MSI2: variants seen among roughly 807,000 people sequenced by gnomAD.
MSI2 encodes RNA-binding protein Musashi homolog 2.
Under a neutral mutation model 45.6 loss-of-function variants are expected in MSI2, and 17 were observed. That is an observed-to-expected ratio of 0.37 (90% CI 0.26 to 0.56). The LOEUF (loss-of-function observed/expected upper bound fraction) is 0.56. MSI2 is among the 20% of genes least tolerant of loss of function. MSI2 has a pLI of 0.77. For synonymous variants in MSI2, 156 were observed against 158.2 expected (o/e 0.99, Z 0.11); for missense variants, 293 against 444.2 (o/e 0.66, Z 3.06).
chr17:57,284,328 C>T (rs1909677503), intron 5 of MSI2, among the ~76,000 whole-genome samples: 1 of 152,066 alleles, frequency 6.6e-6, no homozygotes, highest in African/African-American at 2.4e-5. Flanking sequence ...CTGCCATCCA[C>T]CCCGCACCCG....
intron 5 of MSI2, among the ~76,000 whole-genome samples, chr17:57,339,428 A>G (rs1203969255): frequency 6.6e-6 from 1 of 151,942 alleles, no homozygotes; most frequent in African/African-American, 2.4e-5. Context: ...TCCTGCCTCC[A>G]CTTGCGTGAT....
At chr17:57,477,091 G>A (rs1276388742) in intron 6 of MSI2, among the ~76,000 whole-genome samples, 1 of 151,846 alleles carries the variant, frequency 6.6e-6, no homozygotes, top group Non-Finnish European at 1.5e-5. Flanking sequence ...GAAAGGCAGG[G>A]TAGGGTCAAA....
At chr17:57,283,715 G>A (rs940464661) in intron 5 of MSI2, among the ~76,000 whole-genome samples, 1 of 152,234 alleles carries the variant, frequency 6.6e-6, no homozygotes, top group African/African-American at 2.4e-5. Context: ...AGTCAGCCAA[G>A]TTGGTGCTTA....
intron 7 of MSI2, among the ~76,000 whole-genome samples, chr17:57,567,618 C>T (rs4145164): frequency 6.6e-6 from 1 of 152,090 alleles, no homozygotes; most frequent in African/African-American, 2.4e-5. Context: ...CTGCAGTGGG[C>T]TGTGCGTGCC....
At chr17:57,371,594 A>G (rs2083422871) in intron 5 of MSI2, among the ~76,000 whole-genome samples, 1 of 150,106 alleles carries the variant, frequency 6.7e-6, no homozygotes, top group Non-Finnish European at 1.5e-5. Flanking sequence ...ACCTGCCTTT[A>G]TAACTTTATC....
intron 7 of MSI2, among the ~76,000 whole-genome samples, chr17:57,585,213 A>C (rs2088314497): frequency 6.6e-6 from 1 of 152,200 alleles, no homozygotes; most frequent in African/African-American, 2.4e-5. Context: ...TCCCATCATG[A>C]TAGTTGGTAA....
chr17:57,326,211 T>A (rs1435093626), intron 5 of MSI2, among the ~76,000 whole-genome samples: 3 of 152,184 alleles, frequency 2.0e-5, no homozygotes, highest in Non-Finnish European at 4.4e-5. Context: ...CAAACTTTTT[T>A]TTTTTGTAAT....
intron 5 of MSI2, among the ~76,000 whole-genome samples, chr17:57,336,940 G>C (rs934463207): frequency 1.1e-4 from 17 of 152,116 alleles, no homozygotes; most frequent in African/African-American, 4.1e-4. Context: ...AGCTGTTCTG[G>C]GCTGCAGTCA....
intron 7 of MSI2, among the ~76,000 whole-genome samples, chr17:57,582,297 C>T (rs1323419519): frequency 1.3e-5 from 2 of 152,052 alleles, no homozygotes; most frequent in Non-Finnish European, 2.9e-5. Context: ...TAGCATGCCG[C>T]CCCCCAATAT....
intron 8 of MSI2, among the ~76,000 whole-genome samples, chr17:57,599,322 G>T (rs1017374679): frequency 2.0e-5 from 3 of 152,180 alleles, no homozygotes; most frequent in Non-Finnish European, 2.9e-5. Flanking sequence ...TCCAGAGAGC[G>T]AAGGAGCATA....
chr17:57,535,616 G>A (rs1414606194), intron 7 of MSI2, among the ~76,000 whole-genome samples: 1 of 152,226 alleles, frequency 6.6e-6, no homozygotes, highest in Non-Finnish European at 1.5e-5. Flanking sequence ...GAGACCCACT[G>A]GAAGGGGGTG....
At chr17:57,369,156 C>T (rs1210449307) in intron 5 of MSI2, among the ~76,000 whole-genome samples, 1 of 152,160 alleles carries the variant, frequency 6.6e-6, no homozygotes, top group Non-Finnish European at 1.5e-5. Context: ...TGACAGGGTG[C>T]TGTTTGTACC....
intron 5 of MSI2, among the ~76,000 whole-genome samples, chr17:57,331,484 C>G (rs1914269122): frequency 6.6e-6 from 1 of 152,142 alleles, no homozygotes; most frequent in Non-Finnish European, 1.5e-5. Flanking sequence ...GGACTGTCAC[C>G]CTGGTGAGGA....
chr17:57,527,129 A>G (rs1379837617), intron 6 of MSI2, among the ~76,000 whole-genome samples: 2 of 152,260 alleles, frequency 1.3e-5, no homozygotes, highest in African/African-American at 4.8e-5. Context: ...TGGCCAGCAC[A>G]GAAGGGCAGC....
intron 6 of MSI2, among the ~76,000 whole-genome samples, chr17:57,423,524 C>G (rs954477256): frequency 1.3e-5 from 2 of 152,178 alleles, no homozygotes; most frequent in African/African-American, 2.4e-5. Flanking sequence ...TCATGCCTTT[C>G]CACAATTGAA....
intron 7 of MSI2, among the ~76,000 whole-genome samples, chr17:57,564,632 G>A (rs903445207): frequency 1.3e-5 from 2 of 152,204 alleles, no homozygotes; most frequent in African/African-American, 4.8e-5. Context: ...ACTATTTAGG[G>A]CATTTATGGA....
At chr17:57,575,451 A>G (rs1163541034) in intron 7 of MSI2, among the ~76,000 whole-genome samples, 1 of 152,198 alleles carries the variant, frequency 6.6e-6, no homozygotes, top group Non-Finnish European at 1.5e-5. Flanking sequence ...AAGCTGCCGC[A>G]GCCTGGAGAA....
At chr17:57,564,917 T>A in intron 7 of MSI2, among the ~76,000 whole-genome samples, 1 of 152,220 alleles carries the variant, frequency 6.6e-6, no homozygotes, top group East Asian at 1.9e-4. Flanking sequence ...GGGTTGTTGG[T>A]TACCATTCTG....
At chr17:57,654,099 G>T (rs1016754855) in intron 11 of MSI2, among the ~76,000 whole-genome samples, 8 of 152,174 alleles carry the variant, frequency 5.3e-5, no homozygotes. Flanking sequence ...ACCAGCCTGG[G>T]TTAGCGCAAG....
Sources: gnomAD v4.1 joint callset for allele counts (sites outside exome capture counted in the v4.1 genomes callset) on GRCh38, gnomAD v4.1.1 for gene constraint, MANE v1.5 for transcripts, NCBI Gene and HGNC (gene_info 2026-07-23, HGNC 2026-07-21) for gene names.